Variants in LRRC8C observed in about 807,000 individuals in gnomAD.
LRRC8C encodes the protein leucine rich repeat containing 8 VRAC subunit C.
In LRRC8C, 20 loss-of-function variants were observed where a neutral mutation model predicts 55.3. The ratio of observed to expected loss-of-function variants is 0.36; its 90% CI spans 0.25 to 0.53. The LOEUF is 0.53. Among genes scored for constraint, LRRC8C ranks in the 20% least tolerant of loss-of-function variants. The pLI is 0.92. For missense variants in LRRC8C, 659 were observed against 951.4 expected (o/e 0.69, Z 4.04); for synonymous variants, 376 against 360.7 (o/e 1.04, Z -0.48).
intron 1 of LRRC8C, among the ~76,000 whole-genome samples, chr1:89,657,000 G>A (rs980097410): frequency 9.2e-5 from 14 of 152,176 alleles, no homozygotes; most frequent in African/African-American, 3.4e-4. Context: ...CTAGCTAGTA[G>A]CCATAGAGCT....
chr1:89,630,265 G>C (rs1192368848), upstream of LRRC8C, among the ~76,000 whole-genome samples: 4 of 152,220 alleles, frequency 2.6e-5, no homozygotes, highest in East Asian at 7.7e-4. Flanking sequence ...CCACTAGAGG[G>C]GTTACAGATA....
intron 2 of LRRC8C, among the ~76,000 whole-genome samples, chr1:89,705,130 G>A (rs2101338206): frequency 6.6e-6 from 1 of 151,734 alleles, no homozygotes; most frequent in Non-Finnish European, 1.5e-5. Context: ...ATAGGGACAT[G>A]GATGAAATTG....
intron 1 of LRRC8C, among the ~76,000 whole-genome samples, chr1:89,659,052 T>TCTTG (rs1657030428): frequency 2.5e-5 from 1 of 40,312 alleles, no homozygotes; most frequent in Admixed American, 2.7e-4. Flanking sequence ...CTCCAGGTTT[T>TCTTG]TTTTTTTTTT....
Position 89,719,240 on chromosome 1 carries a change from A to G in LRRC8C, c.*4258A>G, listed in dbSNP as rs556525074. On this transcript the variant is annotated 3_prime_UTR_variant, in exon 3 of 3. Transcript: ENST00000370454. ...TATGCATGGTTTTTAATGTGAGGTA[A>G]ATTTGTTTCTTTCTTCAGAATACCT... The G allele has an allele frequency of 6.6e-6, 1 of 152,098 alleles. No homozygotes were observed. Among genetic ancestry groups the G allele is most frequent in the African/African-American group, 2.4e-5 (1 of 41,498 alleles). 9.4% of individuals were successfully genotyped at this position (152,098 alleles called of 1,614,324 possible).
At chr1:89,706,565 A>T (rs763151717) in intron 2 of LRRC8C, among the ~76,000 whole-genome samples, 6 of 152,192 alleles carry the variant, frequency 3.9e-5, no homozygotes, top group Non-Finnish European at 5.9e-5. Context: ...AATTTCTATT[A>T]AAAGGCCCGA....
chr1:89,669,577 C>G (rs1657362503), intron 1 of LRRC8C, among the ~76,000 whole-genome samples: 1 of 152,118 alleles, frequency 6.6e-6, no homozygotes, highest in Non-Finnish European at 1.5e-5. Context: ...GTGTTTGCCA[C>G]TCTTACATGC....
the LRRC8C span, among the ~76,000 whole-genome samples, chr1:89,621,482 T>C: frequency 6.6e-6 from 1 of 151,728 alleles, no homozygotes; most frequent in East Asian, 1.9e-4. Flanking sequence ...AAAATTCCTT[T>C]CCCCTTAAAG....
chr1:89,686,489 G>C lies in LRRC8C; in HGVS notation c.16G>C (p.Glu6Gln), dbSNP rs757475640. The part of the protein sequence containing the change: MIPVT[E>Q]FRQFSEQQPA... Reference sequence around the variant, plus strand: ...TCTCAGAAACATGATTCCCGTGACAGAATTCCGGCAGTTCTCTGAGCAGCA... The same window carrying C: ...TCTCAGAAACATGATTCCCGTGACACAATTCCGGCAGTTCTCTGAGCAGCA... The change falls in exon 2 of 3, where the codon GAA becomes CAA. Residue 6 changes from glutamate to glutamine, a missense_variant. By Grantham distance (29) the Glu-to-Gln change is conservative (BLOSUM62 2). Coordinates refer to ENST00000370454, the MANE Select transcript of LRRC8C (RefSeq NM_032270.5). 6.2e-7 allele frequency: 1 copy of C among 1,614,170 alleles called. No individual in the cohort carries two copies.
At chr1:89,666,334 C>T (rs1411245323) in intron 1 of LRRC8C, among the ~76,000 whole-genome samples, 4 of 152,092 alleles carry the variant, frequency 2.6e-5, no homozygotes, top group Non-Finnish European at 5.9e-5. Flanking sequence ...TTAACGGGTG[C>T]AGCACACCAA....
chr1:89,631,756 G>C (rs1225533782), upstream of LRRC8C: 2 of 152,136 alleles, frequency 1.3e-5, no homozygotes, highest in Non-Finnish European at 2.9e-5. Context: ...AGCTCCTAAG[G>C]CCTAAGAGAA....
intron 1 of LRRC8C, among the ~76,000 whole-genome samples, chr1:89,633,783 G>A (rs1297490294): frequency 6.6e-6 from 1 of 152,192 alleles, no homozygotes; most frequent in Non-Finnish European, 1.5e-5. Flanking sequence ...GCACTTTTGG[G>A]CAGGGAAAGG....
rs377382304 is a variant in LRRC8C, at chr1:89,663,538, C to G, written c.-4-22932C>G. On this transcript the variant is annotated intron_variant, in intron 1 of 2. Transcript: ENST00000370454. ...TGAGCCGAGATTGCGCCACTGCACT[C>G]CAGCCTGGGCGACAGAGCGAGACTC... Among the ~76,000 whole-genome samples the G allele has an allele frequency of 6.0e-5, 9 of 151,180 alleles. 1 individual carries two copies. The South Asian group carries it at 1.9e-3, about 32-fold the overall frequency.
At chr1:89,704,718 A>G (rs1420628029) in intron 2 of LRRC8C, among the ~76,000 whole-genome samples, 2 of 152,146 alleles carry the variant, frequency 1.3e-5, no homozygotes, top group African/African-American at 2.4e-5. Flanking sequence ...CAAAACCACA[A>G]TGAGATACCA....
intron 2 of LRRC8C, among the ~76,000 whole-genome samples, chr1:89,687,823 C>T (rs970131289): frequency 3.9e-5 from 6 of 152,030 alleles, no homozygotes; most frequent in Admixed American, 2.6e-4. Flanking sequence ...TGTGATTTTT[C>T]GGGTAGATCA....
intron 1 of LRRC8C, among the ~76,000 whole-genome samples, chr1:89,641,406 G>A (rs1011049701): frequency 6.6e-6 from 1 of 152,160 alleles, no homozygotes; most frequent in African/African-American, 2.4e-5. Context: ...AATTTAACTG[G>A]ATGGCTAGGT....
chr1:89,688,971 C>T (rs1657954497), intron 2 of LRRC8C, among the ~76,000 whole-genome samples: 2 of 152,122 alleles, frequency 1.3e-5, no homozygotes, highest in South Asian at 4.1e-4. Flanking sequence ...AGGGTAAGTT[C>T]TGAACCTACC....
At chr1:89,623,358 T>G in the LRRC8C span, among the ~76,000 whole-genome samples, 1 of 152,214 alleles carries the variant, frequency 6.6e-6, no homozygotes, top group Non-Finnish European at 1.5e-5. Flanking sequence ...AATTCCTTAA[T>G]CAGAGTACAT....
At chr1:89,671,400 A>G (rs1475856910) in intron 1 of LRRC8C, among the ~76,000 whole-genome samples, 1 of 151,728 alleles carries the variant, frequency 6.6e-6, no homozygotes, top group African/African-American at 2.4e-5. Context: ...CCTCTGAGCA[A>G]AGACAATCTC....
intron 1 of LRRC8C, among the ~76,000 whole-genome samples, chr1:89,671,009 T>C (rs1657396948): frequency 6.6e-6 from 1 of 152,164 alleles, no homozygotes; most frequent in Non-Finnish European, 1.5e-5. Context: ...CATTTTTTGG[T>C]TTCCTTGTTT....
Sources: allele counts gnomAD v4.1 joint callset (sites outside exome capture counted in the v4.1 genomes callset), GRCh38; gene constraint gnomAD v4.1.1; transcripts MANE v1.5; gene names NCBI Gene and HGNC (gene_info 2026-07-23, HGNC 2026-07-21).